Variants in PTP4A2 observed in about 807,000 individuals in gnomAD.
PTP4A2 encodes protein tyrosine phosphatase 4A2, also known as protein tyrosine phosphatase type IVA 2.
In PTP4A2, 2 loss-of-function variants were observed where a neutral mutation model predicts 22.9. The ratio of observed to expected loss-of-function variants is 0.09; its 90% CI spans 0.04 to 0.27. The LOEUF (loss-of-function observed/expected upper bound fraction) is 0.27, where lower values mean the gene tolerates loss of function less well. Among genes scored for constraint, PTP4A2 ranks in the 10% least tolerant of loss-of-function variants. PTP4A2 has a pLI of 1.00. For synonymous variants in PTP4A2, 68 were observed against 69.1 expected (o/e 0.98, Z 0.08); for missense variants, 103 against 205.1 (o/e 0.50, Z 3.04).
At position 31,907,921 on chromosome 1, in the gene PTP4A2, G is replaced by GT. The variant is rs936267553; in HGVS notation, c.*930dup. 2 of 150,986 alleles carry GT rather than the reference G, an allele frequency of 1.3e-5. No individual in the cohort carries two copies. The highest frequency in any genetic ancestry group is 3.0e-5 in the Non-Finnish European group (2 of 67,780). 9.4% of individuals were successfully genotyped at this position (150,986 alleles called of 1,614,324 possible). A position where few individuals can be genotyped will look rare whatever the true frequency, so the allele number is the denominator to read the frequency against. Reference sequence around the variant, plus strand: ...CTGGGATAACCACTTAGCTTCATTGGTTAGGGAAGAGAAGAATTCGACTCT... The same window carrying GT: ...CTGGGATAACCACTTAGCTTCATTGGTTTAGGGAAGAGAAGAATTCGACTCT... On this transcript the variant is annotated 3_prime_UTR_variant, in exon 6 of 6. Coordinates refer to ENST00000647444, the MANE Select transcript of PTP4A2 (RefSeq NM_080391.4).
At chr1:31,918,672 T>C (rs747735194) in intron 2 of PTP4A2, among the ~76,000 whole-genome samples, 5 of 152,262 alleles carry the variant, frequency 3.3e-5, no homozygotes, top group Admixed American at 6.5e-5. Flanking sequence ...TTGTTTGTTA[T>C]AATGCTAAGT....
At position 31,908,086 on chromosome 1, in the gene PTP4A2, T is replaced by C. The variant is rs1651271548; in HGVS notation, c.*766A>G. On this transcript the variant is annotated 3_prime_UTR_variant, in exon 6 of 6. Coordinates refer to ENST00000647444, the MANE Select transcript of PTP4A2 (RefSeq NM_080391.4). ...AGAAACTAACATGAACACCCTTTCA[T>C]CAGTAAAGACTAAAAACCACCTGGA... 1 of 111,990 alleles carries C rather than the reference T, an allele frequency of 8.9e-6. No homozygotes were observed. Among genetic ancestry groups the C allele is most frequent in the East Asian group, 2.4e-4 (1 of 4,086 alleles). 6.9% of individuals were successfully genotyped at this position (111,990 alleles called of 1,614,324 possible).
At chr1:31,924,542 T>A (rs1652357441) in intron 1 of PTP4A2, among the ~76,000 whole-genome samples, 1 of 152,216 alleles carries the variant, frequency 6.6e-6, no homozygotes, top group South Asian at 2.1e-4. Flanking sequence ...CAGAACCCTA[T>A]GTTTTAACAT....
intron 1 of PTP4A2, among the ~76,000 whole-genome samples, chr1:31,937,025 T>C (rs976425919): frequency 1.3e-5 from 2 of 152,112 alleles, no homozygotes; most frequent in Non-Finnish European, 2.9e-5. Context: ...TACCTAACAA[T>C]AAAATACTCT....
intron 1 of PTP4A2, among the ~76,000 whole-genome samples, chr1:31,925,537 G>A (rs1011412485): frequency 3.3e-5 from 5 of 152,020 alleles, no homozygotes; most frequent in Non-Finnish European, 5.9e-5. Flanking sequence ...GGCAGATCAC[G>A]AACGAGGTCA....
chr1:31,923,577 G>A (rs1437578669), intron 1 of PTP4A2, among the ~76,000 whole-genome samples: 2 of 151,396 alleles, frequency 1.3e-5, no homozygotes, highest in Admixed American at 6.6e-5. Context: ...CTCGTGATCC[G>A]CCCGCCTCGG....
intron 5 of PTP4A2, 75 bp downstream of exon 5, chr1:31,909,963 A>G: frequency 7.6e-7 from 1 of 1,316,548 alleles, no homozygotes; most frequent in Non-Finnish European, 1.1e-6. Flanking sequence ...CTATAAATGA[A>G]TATCCCTTCC....
chr1:31,912,101 C>T (rs1651565697), intron 3 of PTP4A2, among the ~76,000 whole-genome samples: 1 of 152,126 alleles, frequency 6.6e-6, no homozygotes, highest in African/African-American at 2.4e-5. Context: ...AGCTAGTGTT[C>T]TCCCAAAAAT....
chr1:31,915,718 T>C, intron 3 of PTP4A2, 177 bp downstream of exon 3: 1 of 445,060 alleles, frequency 2.2e-6, no homozygotes, highest in Non-Finnish European at 4.1e-6. Context: ...TTTTTAATTA[T>C]CTGTACAGAT....
chr1:31,906,879 A>G lies in PTP4A2; in HGVS notation c.*1973T>C, dbSNP rs577322849. On this transcript the variant is annotated 3_prime_UTR_variant, in exon 6 of 6. Coordinates refer to ENST00000647444, the MANE Select transcript of PTP4A2 (RefSeq NM_080391.4). ...AAACCCAGTGGAATCAACACCATCT[A>G]TCTTAGCTTAGCAGGTATGCTGTTT... is the stretch of plus-strand genomic sequence containing the variant. 4 of 152,326 alleles carry G rather than the reference A, an allele frequency of 2.6e-5. No homozygotes were observed. The highest frequency in any genetic ancestry group is 4.4e-5 in the Non-Finnish European group (3 of 68,026). The allele number at this position is 152,326 out of a possible 1,614,324, so 9.4% of individuals were successfully genotyped here.
intron 1 of PTP4A2, among the ~76,000 whole-genome samples, chr1:31,920,820 G>C (rs1272627827): frequency 6.6e-6 from 1 of 152,080 alleles, no homozygotes; most frequent in Non-Finnish European, 1.5e-5. Context: ...TTACAGGCGT[G>C]AACTACTGCG....
chr1:31,914,791 G>C (rs983120999), intron 3 of PTP4A2, among the ~76,000 whole-genome samples: 4 of 152,092 alleles, frequency 2.6e-5, no homozygotes, highest in Non-Finnish European at 1.5e-5. Flanking sequence ...TTTGCTATAA[G>C]GAAACAGCCT....
At position 31,907,539 on chromosome 1, in the gene PTP4A2, G is replaced by A. The variant is rs772591838; in HGVS notation, c.*1313C>T. Reference sequence around the variant, plus strand: ...TGGCCTGTGGACACATACTCACTAGGCATCATTGTTGGTTTTAAACCAGGG... The same window carrying A: ...TGGCCTGTGGACACATACTCACTAGACATCATTGTTGGTTTTAAACCAGGG... On this transcript the variant is annotated 3_prime_UTR_variant, in exon 6 of 6. Transcript: ENST00000647444. 2.8e-4 allele frequency: 42 copies of A among 151,906 alleles called. No individual in the cohort carries two copies. The highest frequency in any genetic ancestry group is 4.7e-4 in the Non-Finnish European group (32 of 68,002). The allele number at this position is 151,906 out of a possible 1,614,324, so 9.4% of individuals were successfully genotyped here. A position where few individuals can be genotyped will look rare whatever the true frequency, so the allele number is the denominator to read the frequency against.
intron 2 of PTP4A2, among the ~76,000 whole-genome samples, chr1:31,918,326 T>C (rs1159580675): frequency 6.6e-6 from 1 of 151,054 alleles, no homozygotes; most frequent in Non-Finnish European, 1.5e-5. Flanking sequence ...ATAGAAAAAA[T>C]ATTAAGGATC....
chr1:31,930,138 A>G (rs1017653117), intron 1 of PTP4A2, among the ~76,000 whole-genome samples: 1 of 152,074 alleles, frequency 6.6e-6, no homozygotes, highest in Non-Finnish European at 1.5e-5. Context: ...GCAGATCGAG[A>G]CCATCCTGGC....
At chr1:31,917,981 T>A (rs1033945227) in intron 2 of PTP4A2, among the ~76,000 whole-genome samples, 1 of 137,678 alleles carries the variant, frequency 7.3e-6, no homozygotes, top group Non-Finnish European at 1.5e-5. Flanking sequence ...CTGGGCACGG[T>A]GGCTCATGCC....
chr1:31,919,190 C>G lies in PTP4A2; in HGVS notation c.-125G>C. 1.9e-6 allele frequency: 1 copy of G among 534,278 alleles called. No homozygotes were observed. The highest frequency in any genetic ancestry group is 3.4e-6 in the Non-Finnish European group (1 of 297,592). The allele number at this position is 534,278 out of a possible 1,614,324, so 33.1% of individuals were successfully genotyped here. A position where few individuals can be genotyped will look rare whatever the true frequency, so the allele number is the denominator to read the frequency against. On this transcript the variant is annotated 5_prime_UTR_variant, in exon 2 of 6. Coordinates refer to ENST00000647444, the MANE Select transcript of PTP4A2 (RefSeq NM_080391.4). Reference sequence around the variant, plus strand: ...AAAAGACCACTAAAATGCCTATTATCAATCAGTGTTTTCTCTATTCAACTT... The same window carrying G: ...AAAAGACCACTAAAATGCCTATTATGAATCAGTGTTTTCTCTATTCAACTT...
rs1250372959 is a variant in PTP4A2, at chr1:31,907,010, ATTTTG to A, written c.*1837_*1841del. 6.6e-6 allele frequency: 1 copy of A among 152,186 alleles called. No homozygotes were observed. The highest frequency in any genetic ancestry group is 2.4e-5 in the African/African-American group (1 of 41,444). The allele number at this position is 152,186 out of a possible 1,614,324, so 9.4% of individuals were successfully genotyped here. A position where few individuals can be genotyped will look rare whatever the true frequency, so the allele number is the denominator to read the frequency against. On this transcript the variant is annotated 3_prime_UTR_variant, in exon 6 of 6. Coordinates refer to ENST00000647444, the MANE Select transcript of PTP4A2 (RefSeq NM_080391.4). ...CCTAGAAACAATTTCGAAAAGCATT[ATTTTG>A]TTTTGTTTTCTGGGATGGGAGAGGA...
chr1:31,916,050 A>C, intron 2 of PTP4A2, 63 bp from the exon 3 acceptor site: 1 of 1,177,220 alleles, frequency 8.5e-7, no homozygotes, highest in Non-Finnish European at 1.2e-6. Flanking sequence ...AAAATGTAGA[A>C]ATGTACTATT....
Sources: allele counts gnomAD v4.1 joint callset (sites outside exome capture counted in the v4.1 genomes callset), GRCh38; gene constraint gnomAD v4.1.1; transcripts MANE v1.5; gene names NCBI Gene and HGNC (gene_info 2026-07-23, HGNC 2026-07-21).